Variants in DNTTIP2 observed in about 807,000 individuals in gnomAD.
DNTTIP2 encodes deoxynucleotidyltransferase terminal interacting protein 2, also known as deoxynucleotidyltransferase terminal-interacting protein 2.
DNTTIP2 carries 47 observed loss-of-function variants against 62.4 expected under a neutral mutation model. The ratio of observed to expected loss-of-function variants is 0.75; its 90% CI spans 0.60 to 0.96. DNTTIP2 has a LOEUF of 0.96. DNTTIP2 is among the 40% of genes least tolerant of loss of function. DNTTIP2 has a pLI of 0.00. For missense variants in DNTTIP2, 870 were observed against 849.1 expected (o/e 1.02, Z -0.31); for synonymous variants, 322 against 300.9 (o/e 1.07, Z -0.73).
In DNTTIP2 at chr1:93,879,138, G is replaced by T. The variant is rs774095973; in HGVS notation, c.11C>A (p.Thr4Asn). Residue 4 changes from threonine (T) to asparagine (N), a missense_variant, in exon 1 of 7, where the codon ACC becomes AAC. Coordinates refer to ENST00000436063, the MANE Select transcript of DNTTIP2 (RefSeq NM_014597.5). ...GCTGGCCTTAGCCCGTGCAGATCTG[G>T]TAACCACCATCTTTCCGGCTCCCTC... Reference protein sequence around the residue: MVVTRSARAKASIQ... With the variant: MVVNRSARAKASIQ... The T allele has an allele frequency of 6.2e-7, 1 of 1,613,068 alleles. No homozygotes were observed. The highest frequency in any genetic ancestry group is 1.3e-5 in the African/African-American group (1 of 74,908).
At position 93,866,890 on chromosome 1, in the gene DNTTIP2, T is replaced by A. The variant is rs555280551; in HGVS notation, c.*2961A>T. 1.3e-5 allele frequency: 2 copies of A among 152,408 alleles called. No individual in the cohort carries two copies. The highest frequency in any genetic ancestry group is 4.8e-5 in the African/African-American group (2 of 41,574). 9.4% of individuals were successfully genotyped at this position (152,408 alleles called of 1,614,324 possible). On this transcript the variant is annotated 3_prime_UTR_variant, in exon 7 of 7. Coordinates refer to ENST00000436063, the MANE Select transcript of DNTTIP2 (RefSeq NM_014597.5). ...CAGACGTGGTGGCTCCTGCCTGTAA[T>A]CCCAGCACTTTGGGAGGCTGAGGCC...
At position 93,879,151 on chromosome 1, in the gene DNTTIP2, T is replaced by C. The variant is rs374389764; in HGVS notation, c.-3A>G. 6.9e-5 allele frequency: 111 copies of C among 1,612,560 alleles called. No homozygotes were observed. The highest frequency in any genetic ancestry group is 1.6e-4 in the Middle Eastern group (1 of 6,078). On this transcript the variant is annotated 5_prime_UTR_variant, in exon 1 of 7. Transcript: ENST00000436063. Reference sequence around the variant, plus strand: ...CGTGCAGATCTGGTAACCACCATCTTTCCGGCTCCCTCGCGACCACCACGA... The same window carrying C: ...CGTGCAGATCTGGTAACCACCATCTCTCCGGCTCCCTCGCGACCACCACGA...
In DNTTIP2 at chr1:93,870,739, C is replaced by T; in HGVS notation, c.2121G>A (p.Lys707=). The T allele has an allele frequency of 4.4e-6, 7 of 1,574,836 alleles. No homozygotes were observed. The highest frequency in any genetic ancestry group is 1.2e-5 in the South Asian group (1 of 84,936). Residue 707 remains lysine, a synonymous_variant, in exon 6 of 7, where the codon AAG becomes AAA. Coordinates refer to ENST00000436063, the MANE Select transcript of DNTTIP2 (RefSeq NM_014597.5). ...PADFYHSRIP[K]KQRKRTIVEE... is the part of the protein sequence containing the mutation. ...CCACAATAGTTCTTTTCCTTTGCTT[C>T]TTGGGAATTCGTGAATGGTAGAAAT...
rs762891345 is a variant in DNTTIP2 at position 93,869,922 on chromosome 1, C to G, written c.2200G>C (p.Glu734Gln). Residue 734 changes from glutamate (E) to glutamine (Q), a missense_variant, in exon 7 of 7, where the codon GAG (glutamate) becomes CAG (glutamine). By Grantham distance (29) the Glu-to-Gln change is conservative. Transcript: ENST00000436063. Reference protein sequence around the residue: ...FRRYNRRKYSEIMAEKAANAA... With the variant: ...FRRYNRRKYSQIMAEKAANAA... ...TTTGCTGCTTTTTCAGCCATGATCT[C>G]TGAGTACTTCCTTCGGTTGTATCTG... 2.1e-5 allele frequency: 16 copies of G among 779,966 alleles called. No homozygotes were observed. The Admixed American group carries it at 2.7e-4, about 13-fold the overall frequency. The allele number at this position is 779,966 out of a possible 1,614,324, so 48.3% of individuals were successfully genotyped here.
chr1:93,877,650 A>G lies in DNTTIP2; in HGVS notation c.285T>C (p.Ser95=). ...GETSEAESNY[S]VSEHHDTILR... is the part of the protein sequence containing the mutation. Reference sequence around the variant, plus strand: ...AAATGGTATCATGGTGCTCAGACACAGAATAATTTGACTCTGCCTCAGAGG... The same window carrying G: ...AAATGGTATCATGGTGCTCAGACACGGAATAATTTGACTCTGCCTCAGAGG... Residue 95 remains serine, a synonymous_variant, in exon 2 of 7, where the codon TCT becomes TCC. Coordinates refer to ENST00000436063, the MANE Select transcript of DNTTIP2 (RefSeq NM_014597.5). The G allele has an allele frequency of 6.2e-7, 1 of 1,614,000 alleles. No individual in the cohort carries two copies. The highest frequency in any genetic ancestry group is 1.3e-5 in the African/African-American group (1 of 75,048).
intron 3 of DNTTIP2, chr1:93,873,480 T>C: frequency 3.3e-6 from 1 of 302,368 alleles, no homozygotes; most frequent in South Asian, 3.2e-5. Flanking sequence ...CACACACCTG[T>C]AGTCCCAGCT....
In DNTTIP2 at chr1:93,877,863, C is replaced by G; in HGVS notation, c.73-1G>C. ...CTTGAATCCCATTAGCAGCAAAACT[C>G]TGCAAACCAGAGAAAACACACTGTA... On this transcript the variant is annotated splice_acceptor_variant, in intron 1 of 6. Coordinates refer to ENST00000436063, the MANE Select transcript of DNTTIP2 (RefSeq NM_014597.5). LOFTEE classifies it high-confidence loss of function. The G allele has an allele frequency of 1.3e-6, 2 of 1,597,996 alleles. No individual in the cohort carries two copies. Among genetic ancestry groups the G allele is most frequent in the Non-Finnish European group, 1.7e-6 (2 of 1,178,648 alleles).
In DNTTIP2 at chr1:93,869,057, G is replaced by C. The variant is rs548213645; in HGVS notation, c.*794C>G. ...AGTATGCTGGAAAAATAGAGGTAAA[G>C]TGAATAGTAACATAAAGGAAGCTAC... On this transcript the variant is annotated 3_prime_UTR_variant, in exon 7 of 7. Transcript: ENST00000436063. 1 of 152,092 alleles carries C rather than the reference G, an allele frequency of 6.6e-6. No individual in the cohort carries two copies. Among genetic ancestry groups the C allele is most frequent in the Admixed American group, 6.5e-5 (1 of 15,276 alleles). The allele number at this position is 152,092 out of a possible 1,614,324, so 9.4% of individuals were successfully genotyped here. A position where few individuals can be genotyped will look rare whatever the true frequency, so the allele number is the denominator to read the frequency against.
Position 93,872,185 on chromosome 1 carries a change from C to G in DNTTIP2, c.1954G>C (p.Glu652Gln). The G allele has an allele frequency of 2.5e-6, 4 of 1,613,860 alleles. No individual in the cohort carries two copies. ...GDGWFGMKAP[E>Q]MTNELKNDLK... is the part of the protein sequence containing the mutation. ...TCATTTTTCAGTTCATTTGTCATTTCTGGAGCTTTCATACCAAACCAGCCA... is the reference window on the plus strand; with the variant it reads ...TCATTTTTCAGTTCATTTGTCATTTGTGGAGCTTTCATACCAAACCAGCCA... The change falls in exon 5 of 7, where the codon GAA (glutamate) becomes CAA (glutamine). Residue 652 changes from glutamate to glutamine, a missense_variant. Glu to Gln is a conservative substitution (Grantham distance 29). Coordinates refer to ENST00000436063, the MANE Select transcript of DNTTIP2 (RefSeq NM_014597.5).
rs1655809334 is a variant in DNTTIP2, at chr1:93,869,722, A to T, written c.*129T>A. On this transcript the variant is annotated 3_prime_UTR_variant, in exon 7 of 7. Coordinates refer to ENST00000436063, the MANE Select transcript of DNTTIP2 (RefSeq NM_014597.5). ...TCGATTCTCAAATCAACTTTTTCCA[A>T]ATACAAATTCCTGTATGAACAGGGC... is the stretch of plus-strand genomic sequence containing the variant. 1 of 598,978 alleles carries T rather than the reference A, an allele frequency of 1.7e-6. No homozygotes were observed. The highest frequency in any genetic ancestry group is 2.8e-5 in the East Asian group (1 of 35,846). 37.1% of individuals were successfully genotyped at this position (598,978 alleles called of 1,614,324 possible).
chr1:93,872,288 A>T, intron 4 of DNTTIP2, 52 bp from the exon 5 acceptor site: 3 of 1,553,188 alleles, frequency 1.9e-6, no homozygotes, highest in Non-Finnish European at 2.6e-6. Flanking sequence ...AGTATACATT[A>T]TAATTCATTT....
In DNTTIP2 at chr1:93,877,164, C is replaced by G. The variant is rs758105175; in HGVS notation, c.771G>C (p.Lys257Asn). The change falls in exon 2 of 7, where the codon AAG (lysine) becomes AAC (asparagine). Residue 257 changes from lysine (K) to asparagine (N), a missense_variant. Coordinates refer to ENST00000436063, the MANE Select transcript of DNTTIP2 (RefSeq NM_014597.5). The stretch of plus-strand genomic sequence containing the variant: ...CAAAGTCATTATTATAGAAATTTGG[C>G]TTATTTATCTCAGAAAGAGATCTTG... ...LQARSLSEIN[K>N]PNFYNNDFDD... is the part of the protein sequence containing the mutation. The G allele has an allele frequency of 1.2e-6, 2 of 1,613,078 alleles. No homozygotes were observed. The highest frequency in any genetic ancestry group is 1.7e-5 in the Admixed American group (1 of 59,976).
At chr1:93,875,290 C>T (rs915999123) in intron 3 of DNTTIP2, among the ~76,000 whole-genome samples, 4 of 151,896 alleles carry the variant, frequency 2.6e-5, no homozygotes, top group Non-Finnish European at 4.4e-5. Flanking sequence ...CATTTTTTTC[C>T]GGGTGGAAGA....
chr1:93,876,446 T>C lies in DNTTIP2; in HGVS notation c.1489A>G (p.Met497Val), dbSNP rs1656008000. The C allele has an allele frequency of 1.2e-6, 2 of 1,613,908 alleles. No homozygotes were observed. The highest frequency in any genetic ancestry group is 1.7e-6 in the Non-Finnish European group (2 of 1,179,872). The change falls in exon 2 of 7, where the codon ATG (methionine) becomes GTG (valine). Residue 497 changes from methionine to valine, a missense_variant. Met to Val is a conservative substitution (Grantham distance 21). Coordinates refer to ENST00000436063, the MANE Select transcript of DNTTIP2 (RefSeq NM_014597.5). ...ALFVIDTTPG[M>V]SADKNFYLEE... ...AAGTAAAAATTTTTATCAGCACTCA[T>C]TCCAGGAGTTGTGTCAATTACAAAC...
chr1:93,877,935 C>G, intron 1 of DNTTIP2, 73 bp from the exon 2 acceptor site: 1 of 1,480,562 alleles, frequency 6.8e-7, no homozygotes, highest in Non-Finnish European at 8.9e-7. Flanking sequence ...AATACTGACC[C>G]CAAAAGCTAA....
chr1:93,871,959 T>TA, intron 5 of DNTTIP2, 113 bp downstream of exon 5: 1 of 1,175,084 alleles, frequency 8.5e-7, no homozygotes, highest in Non-Finnish European at 1.2e-6. Flanking sequence ...TTCCATACAT[T>TA]AGGCATGCAC....
rs553322345 is a variant in DNTTIP2 at position 93,878,045 on chromosome 1, G to A, written c.73-183C>T. 5.0e-4 allele frequency among the ~76,000 whole-genome samples: 76 copies of A among 152,236 alleles called. No individual in the cohort carries two copies. In the South Asian group the frequency reaches 8.3e-3, roughly 17 times the overall value. ...AATTTGGCCGGGCGCGGTGGCTTAC[G>A]GCTGTAATCCCAGCACTCTGGGAGG... On this transcript the variant is annotated intron_variant, in intron 1 of 6. Coordinates refer to ENST00000436063, the MANE Select transcript of DNTTIP2 (RefSeq NM_014597.5).
At chr1:93,872,335 A>G in intron 4 of DNTTIP2, 99 bp from the exon 5 acceptor site, 2 of 1,184,700 alleles carry the variant, frequency 1.7e-6, no homozygotes, top group South Asian at 3.1e-5. Context: ...TTTGTAAATT[A>G]AAAACAAATG....
chr1:93,876,768 T>C lies in DNTTIP2; in HGVS notation c.1167A>G (p.Thr389=), dbSNP rs1392901879. 1 of 1,614,002 alleles carries C rather than the reference T, an allele frequency of 6.2e-7. No homozygotes were observed. The highest frequency in any genetic ancestry group is 8.5e-7 in the Non-Finnish European group (1 of 1,179,878). ...KKSPIKASDL[T]KFGDCGGSDD... ...CACTACCACCACAATCACCAAACTT[T>C]GTCAAGTCACTTGCTTTTATGGGGC... The change falls in exon 2 of 7, where the codon ACA becomes ACG. Residue 389 remains threonine, a synonymous_variant. Transcript: ENST00000436063.
Sources: gnomAD v4.1 joint callset for allele counts (sites outside exome capture counted in the v4.1 genomes callset) on GRCh38, gnomAD v4.1.1 for gene constraint, MANE v1.5 for transcripts, NCBI Gene and HGNC (gene_info 2026-07-23, HGNC 2026-07-21) for gene names.